NAA38: variants seen among roughly 807,000 people sequenced by gnomAD.
The protein encoded by NAA38 is N-alpha-acetyltransferase 38, NatC auxiliary subunit.
NAA38 carries 15 observed loss-of-function variants against 12.6 expected under a neutral mutation model. The observed-to-expected ratio is 1.19, with a 90% CI of 0.79 to 1.83. NAA38 has a LOEUF of 1.83. Among genes scored for constraint, NAA38 ranks in the 40% most tolerant of loss-of-function variants. The pLI, the probability that NAA38 is intolerant of heterozygous loss-of-function variation, is 0.00. For missense variants in NAA38, 183 were observed against 171.7 expected, an observed-to-expected ratio of 1.07 and a Z score of -0.37; for synonymous variants, 88 against 69.9, an observed-to-expected ratio of 1.26 and a Z score of -1.29.
At chr17:7,863,123 G>GATAAAGACATCAC (rs1966901916) in intron 3 of NAA38, 1 of 152,070 alleles carries the variant, frequency 6.6e-6, no homozygotes, top group African/African-American at 2.4e-5. Flanking sequence ...CTGACAAAGG[G>GATAAAGACATCAC]ATAAAGACAT....
intron 2 of NAA38, among the ~76,000 whole-genome samples, chr17:7,867,819 A>G (rs1475139350): frequency 1.3e-5 from 2 of 152,184 alleles, no homozygotes; most frequent in African/African-American, 4.8e-5. Flanking sequence ...TGGAGATCGG[A>G]GATGAAATGA....
intron 1 of NAA38, chr17:7,885,110 C>G (rs1018360899): frequency 6.1e-6 from 6 of 983,226 alleles, no homozygotes; most frequent in East Asian, 1.1e-4. Flanking sequence ...ACTCCCCCCC[C>G]AAGCCCGAGT....
At chr17:7,881,893 C>T (rs1299739450) in intron 2 of NAA38, among the ~76,000 whole-genome samples, 1 of 150,742 alleles carries the variant, frequency 6.6e-6, no homozygotes, top group Admixed American at 6.6e-5. Flanking sequence ...AGCAGACAGA[C>T]AACCAGAGAG....
At chr17:7,861,104 T>C (rs1010898682), upstream of NAA38, 7 of 152,032 alleles carry the variant, frequency 4.6e-5, no homozygotes, top group African/African-American at 1.7e-4. Context: ...AATGGCTAGA[T>C]TTGGTCTCCT....
upstream of NAA38, chr17:7,857,959 C>G (rs1486473542): frequency 7.5e-6 from 11 of 1,461,462 alleles, no homozygotes; most frequent in Non-Finnish European, 9.0e-7. Flanking sequence ...AGTCCAAACC[C>G]CGCCCCTGAT....
intron 3 of NAA38, chr17:7,865,551 C>G (rs1242590692): frequency 6.6e-6 from 1 of 152,090 alleles, no homozygotes; most frequent in Non-Finnish European, 1.5e-5. Flanking sequence ...CCACATGGGC[C>G]TCTACACAGG....
chr17:7,863,933 C>T (rs1258859507), intron 3 of NAA38: 1 of 152,192 alleles, frequency 6.6e-6, no homozygotes, highest in Non-Finnish European at 1.5e-5. Context: ...ACCTTTGGGG[C>T]TAAATTTATG....
chr17:7,874,509 A>G (rs1199409007), intron 2 of NAA38, among the ~76,000 whole-genome samples: 1 of 152,164 alleles, frequency 6.6e-6, no homozygotes, highest in Admixed American at 6.5e-5. Flanking sequence ...AAGAGAAGGT[A>G]AGGAGCACAC....
chr17:7,858,436 C>T, upstream of NAA38: 1 of 1,614,176 alleles, frequency 6.2e-7, no homozygotes, highest in Non-Finnish European at 8.5e-7. Flanking sequence ...GTGGAAGTTG[C>T]AGGCCAGGAT....
At chr17:7,876,996 TA>T in intron 2 of NAA38, 1 of 283,294 alleles carries the variant, frequency 3.5e-6, no homozygotes, top group Admixed American at 5.2e-5. Flanking sequence ...ACTAATGTTT[TA>T]AAAACCCTAA....
At chr17:7,860,659 T>G (rs1211300144), upstream of NAA38, 1 of 152,182 alleles carries the variant, frequency 6.6e-6, no homozygotes, top group Non-Finnish European at 1.5e-5. Context: ...GGATGTGGCT[T>G]TGTCCTAGGA....
At chr17:7,866,504 G>A (rs1288527006) in exon 3 of NAA38, 1 of 1,231,374 alleles carries the variant, frequency 8.1e-7, no homozygotes. Flanking sequence ...GGTCCAGAAG[G>A]TAAGATTTGG....
chr17:7,881,650 G>A (rs1266462899), intron 2 of NAA38, among the ~76,000 whole-genome samples: 1 of 151,054 alleles, frequency 6.6e-6, no homozygotes, highest in Non-Finnish European at 1.5e-5. Context: ...GCAGCAAACA[G>A]GGTAGACAGG....
Position 7,857,218 on chromosome 17 carries a change from C to T in NAA38, c.82-20G>A, listed in dbSNP as rs752278997. 2 of 1,612,286 alleles carry T rather than the reference C, an allele frequency of 1.2e-6. No individual in the cohort carries two copies. Among genetic ancestry groups the T allele is most frequent in the Admixed American group, 3.3e-5 (2 of 59,982 alleles). On this transcript the variant is annotated intron_variant, in intron 1 of 2. Transcript: ENST00000575771. ...CGAATCCTGCGCGGGGTGTAACAAG[C>T]GCTCAGACCGCGCAGCCCAGGCTGC...
upstream of NAA38, chr17:7,858,851 T>G: frequency 2.7e-6 from 4 of 1,506,496 alleles, no homozygotes; most frequent in Non-Finnish European, 3.6e-6. Context: ...AGGAGCAGGT[T>G]AGAAGGAATG....
intron 1 of NAA38, among the ~76,000 whole-genome samples, chr17:7,883,597 CTATT>C (rs1377068555): frequency 2.0e-5 from 3 of 152,094 alleles, no homozygotes; most frequent in Non-Finnish European, 4.4e-5. Context: ...ATCATCGTAT[CTATT>C]CATATCTCTC....
intron 2 of NAA38, among the ~76,000 whole-genome samples, chr17:7,874,279 T>C (rs1024979720): frequency 6.6e-6 from 1 of 152,030 alleles, no homozygotes; most frequent in South Asian, 2.1e-4. Flanking sequence ...AGTTGGGGGT[T>C]TGAATTTAAT....
chr17:7,859,419 G>T, upstream of NAA38: 1 of 1,614,096 alleles, frequency 6.2e-7, no homozygotes. Flanking sequence ...ATCCTACACC[G>T]CTATCTCCCC....
At chr17:7,865,176 C>CT (rs1175825286) in intron 3 of NAA38, 3 of 152,172 alleles carry the variant, frequency 2.0e-5, no homozygotes, top group Non-Finnish European at 4.4e-5. Context: ...TCTGTATTAC[C>CT]TGTAGAGCTG....
Sources: allele counts gnomAD v4.1 joint callset (sites outside exome capture counted in the v4.1 genomes callset), GRCh38; gene constraint gnomAD v4.1.1; transcripts MANE v1.5; gene names NCBI Gene and HGNC (gene_info 2026-07-23, HGNC 2026-07-21).